Variants in GOT2 observed in about 807,000 individuals in gnomAD.
GOT2 encodes the protein aspartate aminotransferase, mitochondrial.
In GOT2, 17 loss-of-function variants were observed where a neutral mutation model predicts 50.0. The ratio of observed to expected loss-of-function variants is 0.34; its 90% confidence interval spans 0.23 to 0.51. The LOEUF (loss-of-function observed/expected upper bound fraction) is 0.51. Ranked by LOEUF, GOT2 falls within the 20% of genes least tolerant of loss-of-function variation. The pLI is 0.97. For missense variants in GOT2, 430 were observed against 559.6 expected (o/e 0.77, Z 2.34); for synonymous variants, 172 against 204.9 (o/e 0.84, Z 1.37).
intron 1 of GOT2, among the ~76,000 whole-genome samples, chr16:58,725,452 C>T (rs892089835): frequency 2.0e-5 from 3 of 152,148 alleles, no homozygotes; most frequent in Non-Finnish European, 1.5e-5. Context: ...GTAACTTACA[C>T]TTTTGGTCTA....
intron 3 of GOT2, chr16:58,721,821 C>T (rs2044742685): frequency 6.0e-6 from 1 of 165,598 alleles, no homozygotes; most frequent in Admixed American, 6.3e-5. Context: ...GCTGTTGTTG[C>T]CCAGGCTGGA....
chr16:58,714,551 C>CAA (rs765724020), intron 8 of GOT2, among the ~76,000 whole-genome samples: 127 of 103,534 alleles, frequency 1.2e-3, no homozygotes, highest in African/African-American at 3.2e-3. Context: ...GACTCCGTCT[C>CAA]AAAAAAAAAA....
intron 8 of GOT2, among the ~76,000 whole-genome samples, chr16:58,712,029 G>A (rs1422885873): frequency 6.6e-6 from 1 of 151,648 alleles, no homozygotes; most frequent in Non-Finnish European, 1.5e-5. Context: ...CACGTCCCAC[G>A]CCTATGCCCT....
Position 58,708,118 on chromosome 16 carries a change from A to G in GOT2, c.*53T>C. On this transcript the variant is annotated 3_prime_UTR_variant, in exon 10 of 10. Coordinates refer to ENST00000245206, the MANE Select transcript of GOT2 (RefSeq NM_002080.4). ...TCTCATTGTCTGTGTGAAGCTCTCA[A>G]TAGCAGAGGCTGAAGACAGAAAGGT... is the stretch of plus-strand genomic sequence containing the variant. The G allele has an allele frequency of 6.3e-7, 1 of 1,588,612 alleles. No individual in the cohort carries two copies. Among genetic ancestry groups the G allele is most frequent in the African/African-American group, 1.3e-5 (1 of 74,654 alleles).
At chr16:58,725,694 G>A (rs1048920143) in intron 1 of GOT2, among the ~76,000 whole-genome samples, 1 of 152,170 alleles carries the variant, frequency 6.6e-6, no homozygotes, top group Non-Finnish European at 1.5e-5. Flanking sequence ...GTTGTACTGC[G>A]TGTGTTCACG....
intron 1 of GOT2, among the ~76,000 whole-genome samples, chr16:58,730,886 G>A (rs2044830340): frequency 6.6e-6 from 1 of 152,154 alleles, no homozygotes; most frequent in Admixed American, 6.6e-5. Flanking sequence ...AGTACATTTT[G>A]GATACAGGCA....
intron 3 of GOT2, among the ~76,000 whole-genome samples, chr16:58,720,578 ATTTTTTT>A (rs567374817): frequency 7.1e-6 from 1 of 141,030 alleles, no homozygotes; most frequent in Non-Finnish European, 1.6e-5. Flanking sequence ...AGGCACAACA[ATTTTTTT>A]TTTTTTTTTT....
In GOT2 at chr16:58,722,068, T is replaced by A. The variant is rs903113412; in HGVS notation, c.375+82A>T. The A allele has an allele frequency of 2.0e-6, 3 of 1,497,650 alleles. No homozygotes were observed. In the African/African-American group the frequency reaches 4.2e-5, roughly 21 times the overall value. The allele number at this position is 1,497,650 out of a possible 1,614,324, so 92.8% of individuals were successfully genotyped here. ...GTGGTGGGATTACAGGCGTGAGCCA[T>A]CGCGCCTGGCCTAAAATTGTTTAAA... is the stretch of plus-strand genomic sequence containing the variant. On this transcript the variant is annotated intron_variant, in intron 3 of 9. Transcript: ENST00000245206.
intron 8 of GOT2, among the ~76,000 whole-genome samples, chr16:58,713,975 C>T (rs1042404365): frequency 9.9e-5 from 15 of 152,170 alleles, no homozygotes; most frequent in African/African-American, 3.6e-4. Context: ...TGGATTGACT[C>T]TCAGAACAGT....
In GOT2 at chr16:58,707,727, A is replaced by G. The variant is rs1174154260; in HGVS notation, c.*444T>C. On this transcript the variant is annotated 3_prime_UTR_variant, in exon 10 of 10. Coordinates refer to ENST00000245206, the MANE Select transcript of GOT2 (RefSeq NM_002080.4). ...ATCATTTCTGCAGTGCGGCCTGTTG[A>G]TAAGGTTGTTCCAAGATGGGAGGAC... 1 of 152,558 alleles carries G rather than the reference A, an allele frequency of 6.6e-6. No homozygotes were observed. Among genetic ancestry groups the G allele is most frequent in the Non-Finnish European group, 1.5e-5 (1 of 68,304 alleles). 9.5% of individuals were successfully genotyped at this position (152,558 alleles called of 1,614,324 possible).
chr16:58,729,561 A>G (rs955979288), intron 1 of GOT2, among the ~76,000 whole-genome samples: 2 of 151,916 alleles, frequency 1.3e-5, no homozygotes, highest in Non-Finnish European at 2.9e-5. Flanking sequence ...AAGACCCTCA[A>G]TCATAACAAA....
At chr16:58,734,082 C>T in intron 1 of GOT2, 58 bp downstream of exon 1, 1 of 1,039,142 alleles carries the variant, frequency 9.6e-7, no homozygotes, top group Non-Finnish European at 1.3e-6. Flanking sequence ...CTGGGGTGCT[C>T]GCAGCTCGGC....
rs543021909 is a variant in GOT2, at chr16:58,715,955, A to G, written c.1019+59T>C. On this transcript the variant is annotated intron_variant, in intron 8 of 9. Coordinates refer to ENST00000245206, the MANE Select transcript of GOT2 (RefSeq NM_002080.4). ...ATCACTAGAGGTCAATTAAAAACTA[A>G]CTTTGAAGGAGCAGTGGTGGGAACA... is the stretch of plus-strand genomic sequence containing the variant. 5.9e-6 allele frequency: 8 copies of G among 1,364,348 alleles called. No homozygotes were observed. In the African/African-American group the frequency reaches 1.0e-4, roughly 17 times the overall value. The allele number at this position is 1,364,348 out of a possible 1,614,324, so 84.5% of individuals were successfully genotyped here.
chr16:58,726,649 G>A (rs1417725226), intron 1 of GOT2, among the ~76,000 whole-genome samples: 17 of 151,346 alleles, frequency 1.1e-4, no homozygotes, highest in African/African-American at 3.6e-4. Flanking sequence ...GTGCCACCCC[G>A]CCTGGCTAAT....
At chr16:58,724,969 A>ATT (rs1444370649) in intron 1 of GOT2, among the ~76,000 whole-genome samples, 4 of 152,142 alleles carry the variant, frequency 2.6e-5, no homozygotes, top group Non-Finnish European at 4.4e-5. Context: ...CGCTGTGACA[A>ATT]TTTTGGGAAT....
chr16:58,714,371 C>T (rs554766539), intron 8 of GOT2, among the ~76,000 whole-genome samples: 5 of 151,880 alleles, frequency 3.3e-5, no homozygotes, highest in Non-Finnish European at 7.4e-5. Flanking sequence ...GCCAACATGG[C>T]GAAACCCCGT....
chr16:58,727,887 A>C (rs1597705772), intron 1 of GOT2, among the ~76,000 whole-genome samples: 1 of 152,314 alleles, frequency 6.6e-6, no homozygotes, highest in Admixed American at 6.5e-5. Context: ...ATCCACTGTG[A>C]ATCAGCCACA....
Position 58,716,813 on chromosome 16 carries a change from T to G in GOT2, c.703A>C (p.Lys235Gln), listed in dbSNP as rs1289295683. 3 of 1,613,922 alleles carry G rather than the reference T, an allele frequency of 1.9e-6. No individual in the cohort carries two copies. The highest frequency in any genetic ancestry group is 2.5e-6 in the Non-Finnish European group (3 of 1,179,960). Residue 235 changes from lysine (K) to glutamine (Q), a missense_variant and splice_region_variant, in exon 7 of 10, where the codon AAA becomes CAA. By Grantham distance (53) the Lys-to-Gln change is moderately conservative (BLOSUM62 1). Transcript: ENST00000245206. ...QWKEIATVVK[K>Q]RNLFAFFDMA... Reference sequence around the variant, plus strand: ...TCAAAGAACGCAAAGAGATTCCTTTTCTGAGAAGGAACGAAAGATCGAAGC... The same window carrying G: ...TCAAAGAACGCAAAGAGATTCCTTTGCTGAGAAGGAACGAAAGATCGAAGC...
chr16:58,720,943 T>C (rs9934653), intron 3 of GOT2, among the ~76,000 whole-genome samples: 10,990 of 152,188 alleles, frequency 0.072, 813 homozygotes, highest in East Asian at 0.29. Context: ...GCCAGTTTCA[T>C]ACTTAGGTTG....
Sources: gnomAD v4.1 joint callset for allele counts (sites outside exome capture counted in the v4.1 genomes callset) on GRCh38, gnomAD v4.1.1 for gene constraint, MANE v1.5 for transcripts, NCBI Gene and HGNC (gene_info 2026-07-23, HGNC 2026-07-21) for gene names.